Variants in CREM observed in about 807,000 individuals in gnomAD.
The protein encoded by CREM is cAMP responsive element modulator.
In CREM, 13 loss-of-function variants were observed where a neutral mutation model predicts 37.3. The ratio of observed to expected loss-of-function variants is 0.35; its 90% CI spans 0.23 to 0.55. CREM has a LOEUF of 0.55. CREM is among the 20% of genes least tolerant of loss of function. The pLI, the probability that CREM is intolerant of heterozygous loss-of-function variation, is 0.88. For missense variants in CREM, 296 were observed against 362.3 expected (o/e 0.82, Z 1.49); for synonymous variants, 124 against 120.2 (o/e 1.03, Z -0.21).
At chr10:35,127,600 C>T (rs1405083393) in intron 1 of CREM, 3 of 152,656 alleles carry the variant, frequency 2.0e-5, no homozygotes, top group East Asian at 3.8e-4. Flanking sequence ...CCCCCAGCGC[C>T]TCTGCCCCAC....
At chr10:35,207,444 G>A (rs2095557061) in intron 7 of CREM, among the ~76,000 whole-genome samples, 1 of 149,364 alleles carries the variant, frequency 6.7e-6, no homozygotes, top group Admixed American at 6.7e-5. Flanking sequence ...ATAAAATAAT[G>A]ATAAAAATAA....
chr10:35,145,776 CAAA>C (rs370248344), intron 2 of CREM, among the ~76,000 whole-genome samples: 2 of 85,234 alleles, frequency 2.3e-5, no homozygotes, highest in Non-Finnish European at 4.1e-5. Context: ...GACTCTGCCT[CAAA>C]AAAAAAAAAA....
intron 3 of CREM, among the ~76,000 whole-genome samples, chr10:35,170,509 G>A (rs1398634809): frequency 1.3e-5 from 2 of 152,080 alleles, no homozygotes; most frequent in Non-Finnish European, 2.9e-5. Context: ...GGTAGAATTC[G>A]GCTGTGAATC....
chr10:35,176,940 T>A (rs1378940480), intron 3 of CREM, among the ~76,000 whole-genome samples: 1 of 152,200 alleles, frequency 6.6e-6, no homozygotes, highest in Non-Finnish European at 1.5e-5. Context: ...GTTAAAACAT[T>A]TTTTCCATCA....
chr10:35,169,192 A>G (rs1020429167), intron 3 of CREM, among the ~76,000 whole-genome samples: 1 of 152,158 alleles, frequency 6.6e-6, no homozygotes, highest in Non-Finnish European at 1.5e-5. Flanking sequence ...CTTGGGCAGT[A>G]TGGCCGTTTT....
intron 5 of CREM, 108 bp from the exon 6 acceptor site, chr10:35,188,092 G>A: frequency 9.0e-7 from 1 of 1,105,338 alleles, no homozygotes; most frequent in Non-Finnish European, 1.3e-6. Flanking sequence ...AGGGTAACCT[G>A]AGAAAGAAGC....
At chr10:35,143,309 A>G (rs1174829401) in intron 2 of CREM, among the ~76,000 whole-genome samples, 1 of 152,156 alleles carries the variant, frequency 6.6e-6, no homozygotes, top group African/African-American at 2.4e-5. Flanking sequence ...TTAGCTGAAT[A>G]GGGTGGGAAG....
chr10:35,147,729 A>T (rs977120655), intron 2 of CREM, among the ~76,000 whole-genome samples: 1 of 152,228 alleles, frequency 6.6e-6, no homozygotes, highest in Admixed American at 6.5e-5. Context: ...CTAATTTTCC[A>T]GCCATTCATG....
rs145445810 is a variant in CREM, at chr10:35,208,808, C to A, written c.755+1757C>A. ...CATTGGCTAGAAATAGGTCTTTAGT[C>A]CCTAGCTGTACAGGATTCTGAGAAA... On this transcript the variant is annotated intron_variant, in intron 7 of 7. Coordinates refer to ENST00000685392, the MANE Select transcript of CREM (RefSeq NM_183011.2). Among the ~76,000 whole-genome samples, 384 of 152,260 alleles carry A rather than the reference C, an allele frequency of 2.5e-3. 3 individuals are homozygous for A. The highest frequency in any genetic ancestry group is 9.0e-3 in the African/African-American group (372 of 41,546).
chr10:35,141,729 C>A (rs2091459373), intron 2 of CREM, among the ~76,000 whole-genome samples: 1 of 152,064 alleles, frequency 6.6e-6, no homozygotes. Context: ...GCACTTGAAT[C>A]CAGAGAAACA....
chr10:35,132,714 A>G (rs1268476616), intron 1 of CREM, among the ~76,000 whole-genome samples: 2 of 152,106 alleles, frequency 1.3e-5, no homozygotes, highest in African/African-American at 2.4e-5. Context: ...GCTTTCTCCC[A>G]TTGTTTTTCC....
chr10:35,158,526 G>C (rs1369097726), intron 3 of CREM: 7 of 194,694 alleles, frequency 3.6e-5, no homozygotes, highest in African/African-American at 1.7e-4. Flanking sequence ...GAGAAAAGAT[G>C]ATCACCCTCC....
At chr10:35,189,249 T>C (rs982383892) in intron 6 of CREM, among the ~76,000 whole-genome samples, 5 of 152,118 alleles carry the variant, frequency 3.3e-5, no homozygotes, top group Non-Finnish European at 5.9e-5. Context: ...CCATTCTAGC[T>C]CTTATGGAAG....
At chr10:35,155,291 G>A (rs956322537) in intron 3 of CREM, among the ~76,000 whole-genome samples, 1 of 152,082 alleles carries the variant, frequency 6.6e-6, no homozygotes, top group African/African-American at 2.4e-5. Flanking sequence ...AAATAACTGA[G>A]TATAAATACA....
At chr10:35,185,345 C>T (rs894506407) in intron 5 of CREM, among the ~76,000 whole-genome samples, 2 of 152,020 alleles carry the variant, frequency 1.3e-5, no homozygotes, top group Non-Finnish European at 2.9e-5. Context: ...CTCAGGTGAT[C>T]CACCAACCTC....
rs564178879 is a variant in CREM, at chr10:35,157,124, A to G, written c.168+8633A>G. 5.9e-5 allele frequency among the ~76,000 whole-genome samples: 9 copies of G among 152,358 alleles called. No individual in the cohort carries two copies. In the South Asian group the frequency reaches 1.9e-3, roughly 32 times the overall value. On this transcript the variant is annotated intron_variant, in intron 3 of 7. Transcript: ENST00000685392. ...TCAGTAAACCTGATAAATCACATCA[A>G]CAGAATGAAGGAAAAAGACCATATC...
At chr10:35,190,594 A>T (rs1443221886) in intron 6 of CREM, among the ~76,000 whole-genome samples, 2 of 152,130 alleles carry the variant, frequency 1.3e-5, no homozygotes, top group Admixed American at 1.3e-4. Flanking sequence ...TTTCATATGC[A>T]TTTGGAATAA....
At chr10:35,166,231 T>G (rs1273480497) in intron 3 of CREM, among the ~76,000 whole-genome samples, 1 of 151,656 alleles carries the variant, frequency 6.6e-6, no homozygotes. Context: ...GCATTGAATT[T>G]GCAATTTGTT....
intron 3 of CREM, among the ~76,000 whole-genome samples, chr10:35,149,541 TCGGA>T (rs1437395018): frequency 6.6e-6 from 1 of 151,940 alleles, no homozygotes; most frequent in Non-Finnish European, 1.5e-5. Context: ...AGTCAGTGAG[TCGGA>T]ACTGAAGACA....
Sources: allele counts gnomAD v4.1 joint callset (sites outside exome capture counted in the v4.1 genomes callset), GRCh38; gene constraint gnomAD v4.1.1; transcripts MANE v1.5; gene names NCBI Gene and HGNC (gene_info 2026-07-23, HGNC 2026-07-21).